Variants in RGL1 observed in about 807,000 individuals in gnomAD.
RGL1 encodes ral guanine nucleotide dissociation stimulator-like 1.
Under a neutral mutation model 95.2 loss-of-function variants are expected in RGL1, and 24 were observed. That is an observed-to-expected ratio of 0.25 (90% CI 0.18 to 0.35). RGL1 has a LOEUF of 0.35. Among genes scored for constraint, RGL1 ranks in the 10% least tolerant of loss-of-function variants. The pLI is 1.00. For synonymous variants in RGL1, 329 were observed against 344.9 expected, an observed-to-expected ratio of 0.95 and a Z score of 0.51; for missense variants, 715 against 936.3, an observed-to-expected ratio of 0.76 and a Z score of 3.08.
At chr1:183,784,203 G>T (rs1284198900) in intron 2 of RGL1, among the ~76,000 whole-genome samples, 1 of 152,224 alleles carries the variant, frequency 6.6e-6, no homozygotes, top group Non-Finnish European at 1.5e-5. Context: ...GAAGAGATGT[G>T]CAGAAGAATA....
intron 1 of RGL1, among the ~76,000 whole-genome samples, chr1:183,741,438 T>G (rs1657297724): frequency 6.6e-6 from 1 of 152,182 alleles, no homozygotes; most frequent in East Asian, 1.9e-4. Flanking sequence ...AATTTTTAAA[T>G]AATATCTTAC....
chr1:183,854,480 A>G (rs1001348897), intron 3 of RGL1, among the ~76,000 whole-genome samples: 4 of 152,306 alleles, frequency 2.6e-5, no homozygotes, highest in Admixed American at 6.5e-5. Context: ...TGACATACCA[A>G]TAACCAGCAA....
intron 2 of RGL1, among the ~76,000 whole-genome samples, chr1:183,744,780 A>G (rs777812852): frequency 7.9e-5 from 12 of 152,110 alleles, no homozygotes; most frequent in Non-Finnish European, 1.3e-4. Context: ...TAATATAGTC[A>G]AATTTATTTC....
intron 2 of RGL1, among the ~76,000 whole-genome samples, chr1:183,779,162 T>A (rs1437992784): frequency 3.9e-5 from 1 of 25,766 alleles, no homozygotes; most frequent in Admixed American, 4.5e-4. Flanking sequence ...AATTTTCCCT[T>A]CCTTCCTTCC....
chr1:183,783,100 C>A (rs1659986187), intron 2 of RGL1, among the ~76,000 whole-genome samples: 1 of 152,082 alleles, frequency 6.6e-6, no homozygotes, highest in Non-Finnish European at 1.5e-5. Context: ...AAAGCTGCTG[C>A]TTATTTGTGG....
chr1:183,857,880 A>G (rs1177514729), intron 3 of RGL1, among the ~76,000 whole-genome samples: 7 of 152,206 alleles, frequency 4.6e-5, no homozygotes, highest in Admixed American at 4.6e-4. Flanking sequence ...TTGTGGGACG[A>G]CAGTGATGGT....
intron 4 of RGL1, among the ~76,000 whole-genome samples, chr1:183,877,063 G>T (rs530842391): frequency 1.6e-4 from 25 of 152,298 alleles, no homozygotes; most frequent in African/African-American, 5.8e-4. Flanking sequence ...CCCCAGAGAG[G>T]GGGGTCAGTG....
chr1:183,754,254 A>G (rs1055284030), intron 2 of RGL1, among the ~76,000 whole-genome samples: 1 of 152,030 alleles, frequency 6.6e-6, no homozygotes, highest in African/African-American at 2.4e-5. Flanking sequence ...TGAGGGAATC[A>G]CATTTTAGGG....
chr1:183,707,737 A>ACTGGGAAGATGGCAG (rs766542724), intron 1 of RGL1, among the ~76,000 whole-genome samples: 42 of 151,940 alleles, frequency 2.8e-4, no homozygotes, highest in Admixed American at 5.2e-4. Context: ...AATACAGCTG[A>ACTGGGAAGATGGCAG]CTGGGAAGAT....
chr1:183,770,634 G>T (rs1659226335), intron 2 of RGL1, among the ~76,000 whole-genome samples: 1 of 152,138 alleles, frequency 6.6e-6, no homozygotes, highest in African/African-American at 2.4e-5. Flanking sequence ...ACCATATGTG[G>T]GAAAACAGGA....
intron 3 of RGL1, among the ~76,000 whole-genome samples, chr1:183,852,740 G>T (rs1031220056): frequency 6.6e-5 from 10 of 152,182 alleles, no homozygotes; most frequent in African/African-American, 2.4e-4. Context: ...TTGAACCTGG[G>T]AGGCAGAAGT....
At chr1:183,709,777 A>G (rs1473505952) in intron 1 of RGL1, 2 of 211,588 alleles carry the variant, frequency 9.5e-6, no homozygotes, top group Non-Finnish European at 1.0e-5. Flanking sequence ...CCCTCTGTGT[A>G]GCTAGTTGTT....
Position 183,703,324 on chromosome 1 carries a change from G to A in RGL1, c.-32-38802G>A, listed in dbSNP as rs192133077. Among the ~76,000 whole-genome samples, 13 of 152,332 alleles carry A rather than the reference G, an allele frequency of 8.5e-5. No individual in the cohort carries two copies. In the East Asian group the frequency reaches 1.4e-3, roughly 16 times the overall value. ...GAGATGGGTTGGTATTCATCATGTC[G>A]TTGCAGCAGGAGCATCGTCTGGATT... On this transcript the variant is annotated intron_variant, in intron 1 of 18. Coordinates refer to the RGL1 transcript ENST00000304685.
At chr1:183,892,529 A>G (rs1438966320) in intron 9 of RGL1, among the ~76,000 whole-genome samples, 1 of 152,212 alleles carries the variant, frequency 6.6e-6, no homozygotes. Flanking sequence ...GACAGAGGCC[A>G]AGCCTGCCTG....
chr1:183,662,660 C>A (rs1323505409), intron 1 of RGL1, among the ~76,000 whole-genome samples: 1 of 152,100 alleles, frequency 6.6e-6, no homozygotes, highest in Admixed American at 6.6e-5. Flanking sequence ...AGATTCAATG[C>A]CATCCCCATC....
rs1312341027 is a variant in RGL1, at chr1:183,806,476, A to T, written c.129A>T (p.Arg43Ser). 5 of 1,612,304 alleles carry T rather than the reference A, an allele frequency of 3.1e-6. No individual in the cohort carries two copies. Among genetic ancestry groups the T allele is most frequent in the African/African-American group, 1.3e-5 (1 of 74,880 alleles). ...QIQQAANKGA[R>S]WLGVEGDQLP... is the part of the protein sequence containing the mutation. The stretch of plus-strand genomic sequence containing the variant: ...AACAGGCTGCCAATAAAGGAGCAAG[A>T]TGGCTAGGGGTGAGTAAAGCTGGCG... The change falls in exon 2 of 18, where the codon AGA becomes AGT. Residue 43 changes from arginine (R) to serine (S), a missense_variant. Physicochemically the swap from Arg to Ser is moderately radical, Grantham distance 110. This residue lies in a region of RGL1 where 381 missense variants were observed against 484.8 expected (regional missense o/e 0.79). Transcript: ENST00000360851.
intron 2 of RGL1, among the ~76,000 whole-genome samples, chr1:183,818,002 G>A (rs1662203229): frequency 6.6e-6 from 1 of 152,166 alleles, no homozygotes; most frequent in South Asian, 2.1e-4. Flanking sequence ...AGAGTTGGAG[G>A]ATTATGATAT....
At chr1:183,804,113 A>G (rs901405062), upstream of RGL1, among the ~76,000 whole-genome samples, 12 of 151,818 alleles carry the variant, frequency 7.9e-5, no homozygotes, top group African/African-American at 2.9e-4. Context: ...AGTACACTTG[A>G]TTTGCTAAAT....
intron 1 of RGL1, chr1:183,646,814 G>A (rs146397371): frequency 2.4e-4 from 36 of 152,344 alleles, no homozygotes; most frequent in African/African-American, 8.4e-4. Context: ...AAGTTATTGA[G>A]ATGTCATTTC....
Sources: allele counts gnomAD v4.1 joint callset (sites outside exome capture counted in the v4.1 genomes callset), GRCh38; gene constraint gnomAD v4.1.1; regional missense constraint gnomAD v4.1.1; transcripts MANE v1.5; gene names NCBI Gene and HGNC (gene_info 2026-07-23, HGNC 2026-07-21).